ZSWIM2: variants seen among roughly 807,000 people sequenced by gnomAD.
ZSWIM2 encodes the protein E3 ubiquitin-protein ligase ZSWIM2.
In ZSWIM2, 38 loss-of-function variants were observed where a neutral mutation model predicts 48.4. That is an observed-to-expected ratio of 0.79 (90% CI 0.61 to 1.03). The LOEUF is 1.03. ZSWIM2 is among the 50% of genes least tolerant of loss of function. ZSWIM2 has a pLI of 0.00. For missense variants in ZSWIM2, 776 were observed against 730.2 expected (o/e 1.06, Z -0.72); for synonymous variants, 240 against 251.3 (o/e 0.96, Z 0.42).
chr2:186,838,968 G>C lies in ZSWIM2; in HGVS notation c.485C>G (p.Thr162Ser), dbSNP rs920872606. ...AGAAAAAGTACATCACCTGCAAAAG[G>C]TGACAGGAAGCTTTTTCTCTAAAAG... ...ELLLEKKLPV[T>S]FCRFGCGNSI... The change falls in exon 4 of 9, where the codon ACC (threonine) becomes AGC (serine). Residue 162 changes from threonine to serine, a missense_variant. Physicochemically the swap from Thr to Ser is moderately conservative, Grantham distance 58. Transcript: ENST00000295131. 3 of 1,606,556 alleles carry C rather than the reference G, an allele frequency of 1.9e-6. No homozygotes were observed. In the African/African-American group the frequency reaches 4.0e-5, roughly 22 times the overall value.
At chr2:186,845,733 G>A (rs1015603697) in intron 2 of ZSWIM2, among the ~76,000 whole-genome samples, 2 of 151,382 alleles carry the variant, frequency 1.3e-5, no homozygotes, top group Non-Finnish European at 3.0e-5. Flanking sequence ...TAAGCTTAAG[G>A]AACTTTTTTT....
chr2:186,828,309 G>A lies in ZSWIM2; in HGVS notation c.1577C>T (p.Thr526Ile), dbSNP rs549275491. Reference sequence around the variant, plus strand: ...ACTGATGCATGGACTTTCCATTGCAGTGGGACACACAATATTCTTATGAAC... The same window carrying A: ...ACTGATGCATGGACTTTCCATTGCAATGGGACACACAATATTCTTATGAAC... ...PIVHKNIVCP[T>I]AMESPCISGK... Residue 526 changes from threonine to isoleucine, a missense_variant, in exon 9 of 9, where the codon ACT becomes ATT. Transcript: ENST00000295131. 4 of 1,613,706 alleles carry A rather than the reference G, an allele frequency of 2.5e-6. No homozygotes were observed. The South Asian group carries it at 3.3e-5, about 13-fold the overall frequency.
In ZSWIM2 at chr2:186,828,164, T is replaced by C. The variant is rs1408450970; in HGVS notation, c.1722A>G (p.Pro574=). ...AATTGACAATAAGATTGAAATCCTC[T>C]GGAAGTAAAGTTGATCTCTTGTTGT... ...REDNKRSTLL[P]EDFNLIVNWS... is the part of the protein sequence containing the mutation. Residue 574 remains proline (P), a synonymous_variant, in exon 9 of 9, where the codon CCA becomes CCG. Transcript: ENST00000295131. 4 of 1,613,586 alleles carry C rather than the reference T, an allele frequency of 2.5e-6. No homozygotes were observed. Among genetic ancestry groups the C allele is most frequent in the South Asian group, 1.1e-5 (1 of 91,060 alleles).
chr2:186,834,911 T>C (rs1419965384), intron 5 of ZSWIM2, among the ~76,000 whole-genome samples: 1 of 152,168 alleles, frequency 6.6e-6, no homozygotes. Context: ...GCAACCTTAA[T>C]TCCTCTATGA....
chr2:186,829,922 T>G, intron 7 of ZSWIM2, 42 bp from the exon 8 acceptor site: 1 of 1,607,130 alleles, frequency 6.2e-7, no homozygotes, highest in African/African-American at 1.3e-5. Context: ...TACATGTTAT[T>G]ATAGATCAGG....
chr2:186,829,918 T>C, intron 7 of ZSWIM2, 38 bp from the exon 8 acceptor site: 2 of 1,608,408 alleles, frequency 1.2e-6, no homozygotes. Context: ...TGTTTACATG[T>C]TATTATAGAT....
Position 186,849,071 on chromosome 2 carries a change from G to C in ZSWIM2, c.60C>G (p.Ser20Arg). Residue 20 changes from serine (S) to arginine (R), a missense_variant, in exon 1 of 9, where the codon AGC becomes AGG. By Grantham distance (110) the Ser-to-Arg change is moderately radical. Coordinates refer to ENST00000295131, the MANE Select transcript of ZSWIM2 (RefSeq NM_182521.3). ...ERRRHLSERL[S>R]WHQDQALSSS... is the part of the protein sequence containing the mutation. Reference sequence around the variant, plus strand: ...TACTCAGCGCCTGGTCTTGGTGCCAGCTGAGCCTCTCGCTCAAGTGTCTTC... The same window carrying C: ...TACTCAGCGCCTGGTCTTGGTGCCACCTGAGCCTCTCGCTCAAGTGTCTTC... 6.2e-7 allele frequency: 1 copy of C among 1,614,120 alleles called. No individual in the cohort carries two copies. Among genetic ancestry groups the C allele is most frequent in the African/African-American group, 1.3e-5 (1 of 75,066 alleles).
rs1276506213 is a variant in ZSWIM2 at position 186,848,968 on chromosome 2, G to T, written c.163C>A (p.Arg55=). Residue 55 remains arginine (R), a splice_region_variant and synonymous_variant, in exon 1 of 9, where the codon CGA becomes AGA. Coordinates refer to ENST00000295131, the MANE Select transcript of ZSWIM2 (RefSeq NM_182521.3). ...GGGGCGGTAGGGGCGGTAGTTACTC[G>T]GAAATCCATGTATTCCGGCTCCTCC... ...REEEPEYMDF[R]VFLGNPHVCN... The T allele has an allele frequency of 3.7e-6, 6 of 1,613,892 alleles. No individual in the cohort carries two copies. In the African/African-American group the frequency reaches 4.0e-5, roughly 11 times the overall value.
rs375309570 is a variant in ZSWIM2, at chr2:186,839,078, G to T, written c.375C>A (p.Asp125Glu). The change falls in exon 4 of 9, where the codon GAC becomes GAA. Residue 125 changes from aspartate (D) to glutamate (E), a missense_variant. By Grantham distance (45) the Asp-to-Glu change is conservative. Transcript: ENST00000295131. ...CATCTTCTTCAACATGTTCATTTTC[G>T]TCATTTGTTCCTGGTTGGGGAGTTT... is the stretch of plus-strand genomic sequence containing the variant. ...RVQTPQPGTN[D>E]ENEHVEEDGY... The T allele has an allele frequency of 1.9e-6, 3 of 1,611,246 alleles. No homozygotes were observed. Among genetic ancestry groups the T allele is most frequent in the Non-Finnish European group, 2.5e-6 (3 of 1,178,258 alleles).
chr2:186,837,788 ATT>A (rs1691825110), intron 4 of ZSWIM2, among the ~76,000 whole-genome samples: 1 of 150,956 alleles, frequency 6.6e-6, no homozygotes, highest in Non-Finnish European at 1.5e-5. Context: ...CCAAACTTAA[ATT>A]TTCCTTCATT....
chr2:186,842,373 C>G (rs1319577506), intron 3 of ZSWIM2, among the ~76,000 whole-genome samples: 1 of 151,092 alleles, frequency 6.6e-6, no homozygotes, highest in Non-Finnish European at 1.5e-5. Context: ...TCAATGCCTA[C>G]TAATTAAAAT....
intron 7 of ZSWIM2, among the ~76,000 whole-genome samples, chr2:186,830,330 C>T (rs1023263640): frequency 1.3e-5 from 2 of 151,974 alleles, no homozygotes; most frequent in East Asian, 1.9e-4. Context: ...TGCAGTGAGC[C>T]GAGATCACGG....
intron 3 of ZSWIM2, among the ~76,000 whole-genome samples, chr2:186,840,056 C>T (rs1177078031): frequency 2.0e-5 from 3 of 151,102 alleles, no homozygotes; most frequent in African/African-American, 7.3e-5. Context: ...CCCCCCCCAA[C>T]TAAACACTAA....
intron 4 of ZSWIM2, among the ~76,000 whole-genome samples, chr2:186,838,393 G>T (rs1691837473): frequency 6.7e-6 from 1 of 148,474 alleles, no homozygotes. Flanking sequence ...GAATTATTTA[G>T]GTTTAAAGAT....
chr2:186,843,175 C>A (rs1691939525), intron 3 of ZSWIM2, among the ~76,000 whole-genome samples: 1 of 151,462 alleles, frequency 6.6e-6, no homozygotes, highest in Non-Finnish European at 1.5e-5. Flanking sequence ...TGGACAGCCT[C>A]AGTATTGAAG....
Position 186,839,052 on chromosome 2 carries a change from C to T in ZSWIM2, c.401G>A (p.Gly134Glu). The T allele has an allele frequency of 6.2e-7, 1 of 1,611,340 alleles. No homozygotes were observed. The highest frequency in any genetic ancestry group is 8.5e-7 in the Non-Finnish European group (1 of 1,178,214). ...NDENEHVEEDGYIKQKEIDSE... is the reference protein window; with the variant it reads ...NDENEHVEEDEYIKQKEIDSE... ...ATCAATTTCCTTCTGTTTAATGTAC[C>T]CATCTTCTTCAACATGTTCATTTTC... is the stretch of plus-strand genomic sequence containing the variant. Residue 134 changes from glycine to glutamate, a missense_variant, in exon 4 of 9, where the codon GGG becomes GAG. Transcript: ENST00000295131.
At chr2:186,833,335 A>G in intron 6 of ZSWIM2, 103 bp from the exon 7 acceptor site, 1 of 541,210 alleles carries the variant, frequency 1.8e-6, no homozygotes, top group Non-Finnish European at 3.2e-6. Flanking sequence ...ACAATACACA[A>G]TATTTTAAGC....
chr2:186,846,810 C>CACATATATATATATAT (rs1265650832), intron 2 of ZSWIM2, among the ~76,000 whole-genome samples: 2 of 143,696 alleles, frequency 1.4e-5, no homozygotes, highest in African/African-American at 5.5e-5. Context: ...CACACACACA[C>CACATATATATATATAT]ATATATATAT....
chr2:186,828,401 C>A lies in ZSWIM2; in HGVS notation c.1485G>T (p.Arg495Ser). The change falls in exon 9 of 9, where the codon AGG becomes AGT. Residue 495 changes from arginine to serine, a missense_variant. Arg to Ser is a moderately radical substitution (Grantham distance 110, BLOSUM62 -1). Coordinates refer to ENST00000295131, the MANE Select transcript of ZSWIM2 (RefSeq NM_182521.3). ...YDYKISQHFP[R>S]YLQDLPTVSF... is the part of the protein sequence containing the mutation. ...ACACAGTGGGTAAATCTTGAAGATA[C>A]CTGGGAAAATGTTGGCTAATTTTAT... is the stretch of plus-strand genomic sequence containing the variant. 1 of 1,613,512 alleles carries A rather than the reference C, an allele frequency of 6.2e-7. No individual in the cohort carries two copies. The highest frequency in any genetic ancestry group is 1.3e-5 in the African/African-American group (1 of 74,944).
Sources: gnomAD v4.1 joint callset for allele counts (sites outside exome capture counted in the v4.1 genomes callset) on GRCh38, gnomAD v4.1.1 for gene constraint, MANE v1.5 for transcripts, NCBI Gene and HGNC (gene_info 2026-07-23, HGNC 2026-07-21) for gene names.